The following RORA variants were observed in gnomAD, a reference collection of about 807,000 sequenced individuals.
RORA encodes RAR related orphan receptor A, also known as nuclear receptor ROR-alpha.
RORA carries 7 observed loss-of-function variants against 69.5 expected under a neutral mutation model. That is an observed-to-expected ratio of 0.10 (90% CI 0.06 to 0.19). The LOEUF (loss-of-function observed/expected upper bound fraction) is 0.19. RORA is among the 10% of genes least tolerant of loss of function. The pLI is 1.00. For synonymous variants in RORA, 261 were observed against 240.8 expected (o/e 1.08, Z -0.78); for missense variants, 457 against 663.0 (o/e 0.69, Z 3.41).
chr15:61,212,258 T>TTTTA (rs1555420818), intron 1 of RORA, among the ~76,000 whole-genome samples: 2 of 149,088 alleles, frequency 1.3e-5, no homozygotes, highest in Admixed American at 6.7e-5. Flanking sequence ...TTGTTTGTTT[T>TTTTA]AAAAAAAAAA....
At chr15:60,967,426 C>G (rs1893586220) in intron 1 of RORA, among the ~76,000 whole-genome samples, 1 of 152,164 alleles carries the variant, frequency 6.6e-6, no homozygotes, top group African/African-American at 2.4e-5. Flanking sequence ...CTAGGAGGGA[C>G]AGAAGCAGTT....
chr15:60,713,109 G>A (rs1283264171), intron 1 of RORA, among the ~76,000 whole-genome samples: 2 of 152,160 alleles, frequency 1.3e-5, no homozygotes, highest in East Asian at 1.9e-4. Flanking sequence ...ATACCAAATT[G>A]TTCTAAATTA....
At chr15:61,148,996 C>T (rs1258312048) in intron 1 of RORA, among the ~76,000 whole-genome samples, 1 of 152,228 alleles carries the variant, frequency 6.6e-6, no homozygotes, top group African/African-American at 2.4e-5. Context: ...GGCTTCACAT[C>T]AGACAATGTG....
At chr15:60,753,560 C>T (rs1003607229) in intron 1 of RORA, among the ~76,000 whole-genome samples, 6 of 152,194 alleles carry the variant, frequency 3.9e-5, no homozygotes, top group African/African-American at 7.2e-5. Flanking sequence ...ACCATGCATG[C>T]GTAGGTATCT....
intron 1 of RORA, among the ~76,000 whole-genome samples, chr15:60,904,774 G>A (rs1398684150): frequency 6.6e-6 from 1 of 152,158 alleles, no homozygotes; most frequent in Admixed American, 6.5e-5. Flanking sequence ...TCCTGTCACG[G>A]TAATGAACGA....
chr15:60,700,841 C>A (rs573799835), intron 1 of RORA, among the ~76,000 whole-genome samples: 2 of 152,294 alleles, frequency 1.3e-5, no homozygotes, highest in South Asian at 4.2e-4. Context: ...TTTGCCATCA[C>A]ACCCAGAGTA....
At position 60,933,193 on chromosome 15, in the gene RORA, C is replaced by T. The variant is rs530911322; in HGVS notation, c.167-254507G>A. ...TGATGATCATACTAATCTTCCAACC[C>T]AAATTCTCCACTGGCTCCCACTGCC... On this transcript the variant is annotated intron_variant, in intron 1 of 10. Coordinates refer to ENST00000335670, the MANE Select transcript of RORA (RefSeq NM_134261.3). Among the ~76,000 whole-genome samples the T allele has an allele frequency of 2.1e-4, 32 of 152,286 alleles. 1 individual carries two copies. In the South Asian group the frequency reaches 6.6e-3, roughly 32 times the overall value.
At chr15:61,155,454 T>C (rs2079434130) in intron 1 of RORA, among the ~76,000 whole-genome samples, 1 of 152,190 alleles carries the variant, frequency 6.6e-6, no homozygotes, top group Non-Finnish European at 1.5e-5. Flanking sequence ...AAGGGGTTTA[T>C]ATTTTGAGAA....
intron 1 of RORA, among the ~76,000 whole-genome samples, chr15:61,093,468 AGACCAAC>A (rs1396413150): frequency 6.6e-6 from 1 of 152,228 alleles, no homozygotes; most frequent in East Asian, 1.9e-4. Flanking sequence ...CTGGAGATAC[AGACCAAC>A]AATGCTGCGG....
intron 2 of RORA, among the ~76,000 whole-genome samples, chr15:60,556,303 T>C (rs1282859890): frequency 6.6e-6 from 1 of 152,116 alleles, no homozygotes; most frequent in African/African-American, 2.4e-5. Flanking sequence ...GAAAATACAT[T>C]CTAAATCTAC....
intron 2 of RORA, among the ~76,000 whole-genome samples, chr15:60,603,314 T>C (rs944998909): frequency 2.6e-5 from 4 of 152,234 alleles, no homozygotes; most frequent in Admixed American, 2.0e-4. Flanking sequence ...GGGATGGATA[T>C]ATACATTTAA....
At chr15:60,872,997 G>A (rs1178969524) in intron 1 of RORA, among the ~76,000 whole-genome samples, 1 of 151,802 alleles carries the variant, frequency 6.6e-6, no homozygotes, top group Non-Finnish European at 1.5e-5. Context: ...TTATTTATGG[G>A]CTCCCTCTTT....
intron 2 of RORA, among the ~76,000 whole-genome samples, chr15:60,665,315 T>C (rs1330315639): frequency 6.6e-6 from 1 of 152,234 alleles, no homozygotes; most frequent in Non-Finnish European, 1.5e-5. Context: ...TTTCCTACTT[T>C]GCATAAATGT....
chr15:60,922,511 C>T (rs577207575), intron 1 of RORA, among the ~76,000 whole-genome samples: 22 of 152,344 alleles, frequency 1.4e-4, no homozygotes, highest in South Asian at 6.2e-4. Flanking sequence ...CATCCATGAT[C>T]ATTAAAGACT....
At chr15:60,836,333 T>A (rs1345021996) in intron 1 of RORA, among the ~76,000 whole-genome samples, 5 of 152,146 alleles carry the variant, frequency 3.3e-5, no homozygotes, top group Admixed American at 6.5e-5. Context: ...CTGGATTTTT[T>A]AAAACTTGTA....
chr15:61,055,895 A>G (rs1471310402), intron 1 of RORA, among the ~76,000 whole-genome samples: 1 of 152,222 alleles, frequency 6.6e-6, no homozygotes, highest in African/African-American at 2.4e-5. Flanking sequence ...CTTGACAGGT[A>G]ATAGTCCTTT....
At chr15:60,650,289 GC>G (rs2140694847) in intron 2 of RORA, among the ~76,000 whole-genome samples, 1 of 152,192 alleles carries the variant, frequency 6.6e-6, no homozygotes, top group South Asian at 2.1e-4. Context: ...ATCAAACAAG[GC>G]TTTCTCTATT....
chr15:60,572,932 A>G (rs2067922800), intron 2 of RORA, among the ~76,000 whole-genome samples: 1 of 152,232 alleles, frequency 6.6e-6, no homozygotes, highest in Non-Finnish European at 1.5e-5. Context: ...AATTCAAACA[A>G]CAATCTTTAA....
At chr15:61,066,897 A>C (rs992969946) in intron 1 of RORA, among the ~76,000 whole-genome samples, 1 of 150,954 alleles carries the variant, frequency 6.6e-6, no homozygotes, top group Non-Finnish European at 1.5e-5. Flanking sequence ...AAAAAAAAAA[A>C]AAAAAAAAAC....
Sources: allele counts gnomAD v4.1 joint callset (sites outside exome capture counted in the v4.1 genomes callset), GRCh38; gene constraint gnomAD v4.1.1; transcripts MANE v1.5; gene names NCBI Gene and HGNC (gene_info 2026-07-23, HGNC 2026-07-21).